ARID1A: variants seen among roughly 807,000 people sequenced by gnomAD.
ARID1A encodes AT-rich interactive domain-containing protein 1A.
A neutral mutation model predicts 212.6 loss-of-function variants in ARID1A; 20 were observed. That is an observed-to-expected ratio of 0.09 (90% CI 0.07 to 0.14). The LOEUF (loss-of-function observed/expected upper bound fraction) is 0.14. Ranked by LOEUF, ARID1A falls within the 10% of genes least tolerant of loss-of-function variation. ARID1A has a pLI of 1.00. For missense variants in ARID1A, 2,587 were observed against 3,059.0 expected, an observed-to-expected ratio of 0.85 and a Z score of 3.64; for synonymous variants, 1,376 against 1,222.1, an observed-to-expected ratio of 1.13 and a Z score of -2.63.
rs2124122563 is a variant in ARID1A at position 26,775,028 on chromosome 1, C to A, written c.4801C>A (p.Pro1601Thr). 1 of 1,608,278 alleles carries A rather than the reference C, an allele frequency of 6.2e-7. No individual in the cohort carries two copies. Among genetic ancestry groups the A allele is most frequent in the Admixed American group, 1.7e-5 (1 of 59,030 alleles). ...CCGGCCAATGGAGAACCGCACCTCT[C>A]CTAGCAAGTCTCCATTCCTGCACTC... ...LPRPMENRTS[P>T]SKSPFLHSGM... is the part of the protein sequence containing the mutation. The change falls in exon 18 of 20, where the codon CCT becomes ACT. Residue 1601 changes from proline to threonine, a missense_variant. Coordinates refer to ENST00000324856, the MANE Select transcript of ARID1A (RefSeq NM_006015.6).
chr1:26,763,376 G>T (rs1021767480), intron 8 of ARID1A, 91 bp downstream of exon 8: 1 of 1,404,570 alleles, frequency 7.1e-7, no homozygotes, highest in Non-Finnish European at 9.5e-7. Context: ...CCTAAACCAG[G>T]GGGGGAAAAT....
chr1:26,738,876 G>GTT lies in ARID1A; in HGVS notation c.1920+6100_1920+6101dup, dbSNP rs35110787. Among the ~76,000 whole-genome samples, 212 of 116,638 alleles carry GTT rather than the reference G, an allele frequency of 1.8e-3. 1 individual carries two copies. Among genetic ancestry groups the GTT allele is most frequent in the Middle Eastern group, 0.013 (2 of 150 alleles). 76.5% of individuals were successfully genotyped at this position (116,638 alleles called of 152,430 possible). ...GCCCAGCTTCTGTAACTTTTCTTTTGTTTTTTTTTTTTTTTTTGAGACAGA... is the reference window on the plus strand; with the variant it reads ...GCCCAGCTTCTGTAACTTTTCTTTTGTTTTTTTTTTTTTTTTTTTGAGACAGA... On this transcript the variant is annotated intron_variant, in intron 4 of 19. Transcript: ENST00000324856.
intron 1 of ARID1A, among the ~76,000 whole-genome samples, chr1:26,706,546 C>A (rs998505132): frequency 6.6e-6 from 1 of 152,208 alleles, no homozygotes; most frequent in African/African-American, 2.4e-5. Flanking sequence ...TTACTCTCAA[C>A]TGCCGTGTAC....
intron 1 of ARID1A, among the ~76,000 whole-genome samples, chr1:26,710,520 C>CACACACACAT (rs1205603939): frequency 6.6e-6 from 1 of 151,370 alleles, no homozygotes. Context: ...CACACACACA[C>CACACACACAT]ACACACACCA....
chr1:26,722,331 T>C (rs886613936), intron 1 of ARID1A, among the ~76,000 whole-genome samples: 1 of 152,098 alleles, frequency 6.6e-6, no homozygotes, highest in Non-Finnish European at 1.5e-5. Context: ...CTACAACCTC[T>C]GCCTCCCAGG....
chr1:26,720,862 C>G (rs899747584), intron 1 of ARID1A, among the ~76,000 whole-genome samples: 2 of 151,598 alleles, frequency 1.3e-5, no homozygotes, highest in Admixed American at 6.6e-5. Flanking sequence ...GATTGAGACA[C>G]CCTGTCTCAA....
At position 26,781,005 on chromosome 1, in the gene ARID1A, GAAAAGAC is replaced by G. The variant is rs2081189196; in HGVS notation, c.*253_*259del. ...CTCAGGACCCTACCCCACCCTCTTTGAAAAGACAAAGCTCTGCCTACATAGAAGACTT... is the reference window on the plus strand; with the variant it reads ...CTCAGGACCCTACCCCACCCTCTTTGAAAGCTCTGCCTACATAGAAGACTT... On this transcript the variant is annotated 3_prime_UTR_variant, in exon 20 of 20. Coordinates refer to ENST00000324856, the MANE Select transcript of ARID1A (RefSeq NM_006015.6). 1.2e-5 allele frequency: 5 copies of G among 416,192 alleles called. 1 individual carries two copies. In the South Asian group the frequency reaches 3.6e-4, roughly 30 times the overall value. 25.8% of individuals were successfully genotyped at this position (416,192 alleles called of 1,614,324 possible). A position where few individuals can be genotyped will look rare whatever the true frequency, so the allele number is the denominator to read the frequency against.
chr1:26,745,055 C>T (rs2080824246), intron 4 of ARID1A, among the ~76,000 whole-genome samples: 1 of 152,128 alleles, frequency 6.6e-6, no homozygotes, highest in South Asian at 2.1e-4. Context: ...CAGAGGATTT[C>T]TGTACTGGAC....
chr1:26,740,646 C>A (rs1051786185), intron 4 of ARID1A, among the ~76,000 whole-genome samples: 2 of 152,230 alleles, frequency 1.3e-5, no homozygotes, highest in African/African-American at 4.8e-5. Context: ...TATGGGCTTG[C>A]AGATAGGTAA....
intron 1 of ARID1A, among the ~76,000 whole-genome samples, chr1:26,721,442 TCCGCCCTCC>T (rs1203438733): frequency 1.3e-5 from 2 of 152,156 alleles, no homozygotes; most frequent in African/African-American, 4.8e-5. Context: ...GAACTCATGA[TCCGCCCTCC>T]TCGGCCTCCC....
At chr1:26,741,710 T>C (rs927525206) in intron 4 of ARID1A, among the ~76,000 whole-genome samples, 6 of 152,228 alleles carry the variant, frequency 3.9e-5, no homozygotes, top group African/African-American at 9.6e-5. Flanking sequence ...GTGAATGTTA[T>C]CGATATCAGG....
chr1:26,732,888 C>T, intron 4 of ARID1A, 96 bp downstream of exon 4: 1 of 1,056,840 alleles, frequency 9.5e-7, no homozygotes, highest in African/African-American at 1.6e-5. Context: ...TAATTTTGAC[C>T]TAAATGAATA....
Position 26,696,468 on chromosome 1 carries a change from C to T in ARID1A, c.65C>T (p.Ser22Leu), listed in dbSNP as rs1377110828. The part of the protein sequence containing the change: ...SLGNPPPPPP[S>L]ELKKAEQQQR... The stretch of plus-strand genomic sequence containing the variant: ...GGCAACCCGCCGCCGCCGCCGCCCT[C>T]GGAGCTGAAGAAAGCCGAGCAGCAG... Residue 22 changes from serine (S) to leucine (L), a missense_variant, in exon 1 of 20, where the codon TCG becomes TTG. By Grantham distance (145) the Ser-to-Leu change is moderately radical. Transcript: ENST00000324856. 3.1e-6 allele frequency: 4 copies of T among 1,285,948 alleles called. No homozygotes were observed. The highest frequency in any genetic ancestry group is 3.0e-4 in the Middle Eastern group (1 of 3,354). The allele number at this position is 1,285,948 out of a possible 1,614,324, so 79.7% of individuals were successfully genotyped here.
At chr1:26,738,358 T>C (rs556052988) in intron 4 of ARID1A, among the ~76,000 whole-genome samples, 1 of 152,306 alleles carries the variant, frequency 6.6e-6, no homozygotes, top group East Asian at 1.9e-4. Flanking sequence ...TTCTTGTTAG[T>C]ACTTATCTCA....
chr1:26,759,174 G>T (rs1241686948), intron 4 of ARID1A, among the ~76,000 whole-genome samples: 1 of 152,138 alleles, frequency 6.6e-6, no homozygotes, highest in African/African-American at 2.4e-5. Context: ...TCCTTGAGAT[G>T]TGTGGTGTTT....
In ARID1A at chr1:26,705,451, T is replaced by TCCC. The variant is rs61242310; in HGVS notation, c.1137+7918_1137+7920dup. Among the ~76,000 whole-genome samples, 20 of 143,342 alleles carry TCCC rather than the reference T, an allele frequency of 1.4e-4. No individual in the cohort carries two copies. In the East Asian group the frequency reaches 1.8e-3, roughly 13 times the overall value. The allele number at this position is 143,342 out of a possible 152,430, so 94.0% of individuals were successfully genotyped here. Reference sequence around the variant, plus strand: ...CACCACGCCCAGCCTTTTTTTTTTTTCCCCCCCCCTCAAGTAATGGTCCAT... The same window carrying TCCC: ...CACCACGCCCAGCCTTTTTTTTTTTTCCCCCCCCCCCCTCAAGTAATGGTCCAT... On this transcript the variant is annotated intron_variant, in intron 1 of 19. Coordinates refer to ENST00000324856, the MANE Select transcript of ARID1A (RefSeq NM_006015.6).
At chr1:26,710,645 A>T (rs544761248) in intron 1 of ARID1A, among the ~76,000 whole-genome samples, 3 of 152,062 alleles carry the variant, frequency 2.0e-5, no homozygotes, top group Non-Finnish European at 4.4e-5. Flanking sequence ...GGCCAGTCCT[A>T]TCGAATCCAA....
At chr1:26,711,858 G>A (rs1048712641) in intron 1 of ARID1A, among the ~76,000 whole-genome samples, 5 of 152,084 alleles carry the variant, frequency 3.3e-5, no homozygotes, top group Non-Finnish European at 4.4e-5. Context: ...TGAGCTGGGC[G>A]GATTGCTTGA....
In ARID1A at chr1:26,779,145, G is replaced by A. The variant is rs200936451; in HGVS notation, c.5247G>A (p.Arg1749=). 6 of 1,591,618 alleles carry A rather than the reference G, an allele frequency of 3.8e-6. No individual in the cohort carries two copies. The highest frequency in any genetic ancestry group is 5.1e-6 in the Non-Finnish European group (6 of 1,167,600). The stretch of plus-strand genomic sequence containing the variant: ...AGAGAACGCTACTGGATCCTGGGAG[G>A]TTCAGCAAGGTGTCTAGTCCAGCTC... The part of the protein sequence containing the change: ...PGQRTLLDPG[R]FSKVSSPAPM... The change falls in exon 20 of 20, where the codon AGG becomes AGA. Residue 1749 remains arginine, a synonymous_variant. Coordinates refer to ENST00000324856, the MANE Select transcript of ARID1A (RefSeq NM_006015.6).
Sources: gnomAD v4.1 joint callset for allele counts (sites outside exome capture counted in the v4.1 genomes callset) on GRCh38, gnomAD v4.1.1 for gene constraint, MANE v1.5 for transcripts, NCBI Gene and HGNC (gene_info 2026-07-23, HGNC 2026-07-21) for gene names.